Variants in NRG1 observed in about 807,000 individuals in gnomAD.
NRG1 encodes pro-neuregulin-1, membrane-bound isoform.
In NRG1, 18 loss-of-function variants were observed where a neutral mutation model predicts 63.8. The observed-to-expected ratio is 0.28, with a 90% CI of 0.19 to 0.42. The LOEUF (loss-of-function observed/expected upper bound fraction) is 0.42, where lower values mean the gene tolerates loss of function less well. NRG1 is among the 10% of genes least tolerant of loss of function. The probability of loss-of-function intolerance (pLI) is 1.00; values close to 1 mark genes in which losing one functional copy is unlikely to be tolerated. For synonymous variants in NRG1, 302 were observed against 301.3 expected, an observed-to-expected ratio of 1.00 and a Z score of -0.02; for missense variants, 762 against 814.7, an observed-to-expected ratio of 0.94 and a Z score of 0.79.
At chr8:32,682,568 A>G (rs1465367268) in intron 5 of NRG1, among the ~76,000 whole-genome samples, 1 of 152,180 alleles carries the variant, frequency 6.6e-6, no homozygotes, top group Non-Finnish European at 1.5e-5. Flanking sequence ...GATAAATGTA[A>G]TATTCTACAG....
intron 1 of NRG1, among the ~76,000 whole-genome samples, chr8:32,090,203 A>G (rs1276364506): frequency 3.3e-5 from 5 of 152,252 alleles, no homozygotes. Flanking sequence ...GATCAGATGT[A>G]AATAAAATAG....
At chr8:32,388,166 C>T (rs1563395138) in intron 1 of NRG1, among the ~76,000 whole-genome samples, 2 of 152,126 alleles carry the variant, frequency 1.3e-5, no homozygotes, top group Non-Finnish European at 2.9e-5. Context: ...CTCACCTATG[C>T]AAATATTGCC....
At chr8:31,911,417 G>A (rs1832935414) in intron 1 of NRG1, among the ~76,000 whole-genome samples, 1 of 152,124 alleles carries the variant, frequency 6.6e-6, no homozygotes, top group Non-Finnish European at 1.5e-5. Context: ...AAAAAGAACA[G>A]GATCATCTCC....
intron 5 of NRG1, among the ~76,000 whole-genome samples, chr8:32,687,314 TG>T (rs1810428450): frequency 6.6e-6 from 1 of 152,112 alleles, no homozygotes; most frequent in Non-Finnish European, 1.5e-5. Context: ...GGTGACTAGA[TG>T]ATGGATGGAT....
At chr8:32,196,118 A>AGTGTGTGTGTGTGTGTGT (rs55951634) in intron 1 of NRG1, among the ~76,000 whole-genome samples, 23 of 146,852 alleles carry the variant, frequency 1.6e-4, no homozygotes, top group Non-Finnish European at 3.5e-4. Flanking sequence ...AAAAACAATG[A>AGTGTGTGTGTGTGTGTGT]GTGTGTGTGT....
intron 1 of NRG1, among the ~76,000 whole-genome samples, chr8:32,517,689 A>T (rs117287055): frequency 0.018 from 2,740 of 152,290 alleles, 30 homozygotes; most frequent in Middle Eastern, 0.044. Flanking sequence ...CTATGAAGGG[A>T]TGTCCCATGT....
rs777207882 is a variant in NRG1, at chr8:32,760,426, C to A, written c.1259+20C>A. ...TGAAAGGTAAAACCGAAGGGCAAAG[C>A]TACTGCAGAGGAGAAACTCAGTCAG... is the stretch of plus-strand genomic sequence containing the variant. On this transcript the variant is annotated intron_variant, in intron 11 of 11. Coordinates refer to ENST00000356819, the Ensembl canonical transcript of NRG1. 1 of 1,612,344 alleles carries A rather than the reference C, an allele frequency of 6.2e-7. No individual in the cohort carries two copies. The highest frequency in any genetic ancestry group is 2.2e-5 in the East Asian group (1 of 44,848).
intron 5 of NRG1, among the ~76,000 whole-genome samples, chr8:32,665,954 T>A (rs1804038599): frequency 6.6e-6 from 1 of 152,204 alleles, no homozygotes; most frequent in East Asian, 1.9e-4. Context: ...TATTTTAACA[T>A]AATTCAAAGA....
At chr8:32,763,649 T>G in intron 11 of NRG1, 99 bp from the exon 12 acceptor site, 2 of 1,260,414 alleles carry the variant, frequency 1.6e-6, no homozygotes, top group Non-Finnish European at 1.1e-6. Context: ...AATTCTCTGT[T>G]CTCTGATGAT....
At chr8:32,369,413 T>A (rs1563370687) in intron 1 of NRG1, among the ~76,000 whole-genome samples, 1 of 152,220 alleles carries the variant, frequency 6.6e-6, no homozygotes, top group Non-Finnish European at 1.5e-5. Context: ...CCAAAACATA[T>A]AAAGGACAAT....
At chr8:32,364,075 C>CTTTT (rs932903875) in intron 1 of NRG1, among the ~76,000 whole-genome samples, 1,680 of 64,522 alleles carry the variant, frequency 0.026, 3 homozygotes, top group Non-Finnish European at 0.028. Context: ...TCTGACTAGT[C>CTTTT]TTTTTTTTTT....
chr8:32,412,336 T>C (rs973100859), intron 1 of NRG1, among the ~76,000 whole-genome samples: 1 of 150,990 alleles, frequency 6.6e-6, no homozygotes, highest in Non-Finnish European at 1.5e-5. Context: ...ACTGCAGATC[T>C]TATGACTTTC....
At chr8:32,391,129 G>C (rs1173861734) in intron 1 of NRG1, among the ~76,000 whole-genome samples, 1 of 151,708 alleles carries the variant, frequency 6.6e-6, no homozygotes, top group Admixed American at 6.6e-5. Flanking sequence ...TCCTTTTTTG[G>C]GGGGAGGGGG....
intron 1 of NRG1, among the ~76,000 whole-genome samples, chr8:32,105,434 T>G (rs902909091): frequency 6.6e-6 from 1 of 152,070 alleles, no homozygotes; most frequent in Non-Finnish European, 1.5e-5. Flanking sequence ...CTCCCCTTTA[T>G]GAAACCATCA....
At chr8:32,211,974 C>T (rs1844748368) in intron 1 of NRG1, among the ~76,000 whole-genome samples, 1 of 152,094 alleles carries the variant, frequency 6.6e-6, no homozygotes. Flanking sequence ...AATGAAAAGT[C>T]CATATTTAAG....
intron 8 of NRG1, among the ~76,000 whole-genome samples, chr8:32,755,309 G>A (rs766579659): frequency 1.3e-5 from 2 of 152,026 alleles, no homozygotes; most frequent in Non-Finnish European, 2.9e-5. Context: ...CAAGGTTTTT[G>A]AAAAAATGTT....
chr8:31,908,264 A>G (rs1832683366), intron 1 of NRG1, among the ~76,000 whole-genome samples: 2 of 152,256 alleles, frequency 1.3e-5, no homozygotes, highest in Non-Finnish European at 2.9e-5. Flanking sequence ...TCCTAAGTAC[A>G]GGGGAAAAGC....
chr8:32,595,747 G>A, intron 1 of NRG1, 81 bp from the exon 2 acceptor site: 1 of 1,364,336 alleles, frequency 7.3e-7, no homozygotes. Context: ...GCCTTGATCA[G>A]GCTAACTCCA....
At chr8:32,066,550 TCTGTTTTGGTACCAGTACCATG>T (rs1824852845) in intron 1 of NRG1, among the ~76,000 whole-genome samples, 1 of 152,114 alleles carries the variant, frequency 6.6e-6, no homozygotes, top group Non-Finnish European at 1.5e-5. Context: ...GGTCTATATC[TCTGTTTTGGTACCAGTACCATG>T]CTGTTTTGGT....
Sources: gnomAD v4.1 joint callset for allele counts (sites outside exome capture counted in the v4.1 genomes callset) on GRCh38, gnomAD v4.1.1 for gene constraint, MANE v1.5 for transcripts, NCBI Gene and HGNC (gene_info 2026-07-23, HGNC 2026-07-21) for gene names.